Variants in AOPEP observed in about 807,000 individuals in gnomAD.
The protein encoded by AOPEP is aminopeptidase O.
Under a neutral mutation model 98.1 loss-of-function variants are expected in AOPEP, and 77 were observed. The observed-to-expected ratio is 0.78, with a 90% CI of 0.65 to 0.95. The LOEUF is 0.95. Ranked by LOEUF, AOPEP falls within the 40% of genes least tolerant of loss-of-function variation. The probability of loss-of-function intolerance (pLI) is 0.00; values close to 1 mark genes in which losing one functional copy is unlikely to be tolerated. For synonymous variants in AOPEP, 346 were observed against 365.3 expected, an observed-to-expected ratio of 0.95 and a Z score of 0.60; for missense variants, 1,024 against 1,024.7, an observed-to-expected ratio of 1.00 and a Z score of 0.01.
the AOPEP span, chr9:95,149,959 G>A: frequency 2.5e-6 from 4 of 1,611,328 alleles, no homozygotes; most frequent in Non-Finnish European, 2.5e-6. Flanking sequence ...AAAGAACTCT[G>A]GCTGGAGGAT....
chr9:95,066,509 AT>A (rs1285902398), intron 14 of AOPEP, among the ~76,000 whole-genome samples: 1 of 152,220 alleles, frequency 6.6e-6, no homozygotes, highest in Non-Finnish European at 1.5e-5. Flanking sequence ...CTTAGCATTT[AT>A]CTGTTTAAAG....
At chr9:94,779,991 A>G (rs1283984288) in intron 3 of AOPEP, among the ~76,000 whole-genome samples, 2 of 152,222 alleles carry the variant, frequency 1.3e-5, no homozygotes, top group East Asian at 3.8e-4. Context: ...ATACACTAAT[A>G]CAGATGGGAA....
At chr9:94,882,853 A>G (rs2047751120) in intron 5 of AOPEP, among the ~76,000 whole-genome samples, 1 of 152,264 alleles carries the variant, frequency 6.6e-6, no homozygotes, top group African/African-American at 2.4e-5. Context: ...AGTTGTCTCC[A>G]GAAAGGTTAA....
chr9:95,138,716 G>A, the AOPEP span, among the ~76,000 whole-genome samples: 2 of 152,236 alleles, frequency 1.3e-5, no homozygotes, highest in Non-Finnish European at 2.9e-5. Context: ...CTGCCAGGTG[G>A]TGGTGGGGAA....
intron 1 of AOPEP, among the ~76,000 whole-genome samples, chr9:94,754,689 T>C: frequency 6.6e-6 from 1 of 152,228 alleles, no homozygotes; most frequent in East Asian, 1.9e-4. Flanking sequence ...GATACTCCAC[T>C]TAACCTGGTC....
At chr9:94,898,047 C>T (rs924222372) in intron 5 of AOPEP, among the ~76,000 whole-genome samples, 2 of 151,524 alleles carry the variant, frequency 1.3e-5, no homozygotes, top group Non-Finnish European at 1.5e-5. Context: ...ACCATGTTGG[C>T]CAGGCTGGTC....
intron 5 of AOPEP, among the ~76,000 whole-genome samples, chr9:94,872,705 A>T (rs954303296): frequency 1.3e-5 from 2 of 152,198 alleles, no homozygotes; most frequent in African/African-American, 4.8e-5. Context: ...CATTACATTT[A>T]TATGGATGGT....
chr9:95,056,974 T>G (rs1202018441), intron 13 of AOPEP, among the ~76,000 whole-genome samples: 2 of 152,228 alleles, frequency 1.3e-5, no homozygotes, highest in Non-Finnish European at 2.9e-5. Context: ...AGATGCATTT[T>G]AAAAATAATG....
chr9:95,108,778 T>C, the AOPEP span, among the ~76,000 whole-genome samples: 1 of 152,196 alleles, frequency 6.6e-6, no homozygotes, highest in Non-Finnish European at 1.5e-5. Flanking sequence ...TTTATATACT[T>C]CTTGTCTTTT....
chr9:95,054,000 C>T (rs1321754549), intron 13 of AOPEP, among the ~76,000 whole-genome samples: 4 of 152,084 alleles, frequency 2.6e-5, no homozygotes, highest in Non-Finnish European at 1.5e-5. Context: ...CAGGTGTGAG[C>T]TACCACTTGT....
Position 94,760,561 on chromosome 9 carries a change from A to G in AOPEP, c.778A>G (p.Thr260Ala), listed in dbSNP as rs747234731. The change falls in exon 2 of 17, where the codon ACC (threonine) becomes GCC (alanine). Residue 260 changes from threonine (T) to alanine (A), a missense_variant. Coordinates refer to ENST00000375315, the MANE Select transcript of AOPEP (RefSeq NM_001193329.3). ...TKPEGRSVTWTSDQSGRPCVY... is the reference protein window; with the variant it reads ...TKPEGRSVTWASDQSGRPCVY... The stretch of plus-strand genomic sequence containing the variant: ...ACCTGAAGGGCGATCGGTTACATGG[A>G]CCTCAGACCAGAGTGGCAGGTAGGT... The G allele has an allele frequency of 1.9e-6, 3 of 1,543,180 alleles. No individual in the cohort carries two copies. The highest frequency in any genetic ancestry group is 2.6e-6 in the Non-Finnish European group (3 of 1,148,738).
At chr9:94,728,239 G>GCGCGCGCGCGCACACA (rs113657409) in intron 1 of AOPEP, among the ~76,000 whole-genome samples, 12 of 146,606 alleles carry the variant, frequency 8.2e-5, no homozygotes, top group Non-Finnish European at 1.1e-4. Flanking sequence ...GTGCGCGCAT[G>GCGCGCGCGCGCACACA]CACACACACA....
the AOPEP span, among the ~76,000 whole-genome samples, chr9:95,120,807 A>G: frequency 2.2e-4 from 34 of 152,186 alleles, no homozygotes; most frequent in African/African-American, 8.2e-4. Flanking sequence ...TGCTGAAATT[A>G]ATGTCATTGT....
At chr9:95,083,232 G>A (rs2134262784) in intron 16 of AOPEP, among the ~76,000 whole-genome samples, 1 of 152,188 alleles carries the variant, frequency 6.6e-6, no homozygotes, top group South Asian at 2.1e-4. Flanking sequence ...CGGCTGGCAG[G>A]AGGCTCTCCA....
chr9:94,739,189 A>T (rs1417682180), intron 1 of AOPEP, among the ~76,000 whole-genome samples: 1 of 152,086 alleles, frequency 6.6e-6, no homozygotes, highest in East Asian at 1.9e-4. Context: ...GTATTTCCCA[A>T]GGTTGGCTGC....
At chr9:95,037,470 A>G (rs2064930836) in intron 13 of AOPEP, among the ~76,000 whole-genome samples, 1 of 152,258 alleles carries the variant, frequency 6.6e-6, no homozygotes, top group Admixed American at 6.5e-5. Flanking sequence ...AGCTTATAGT[A>G]TACAAGCACC....
At chr9:94,825,651 G>A (rs1444925009) in intron 5 of AOPEP, among the ~76,000 whole-genome samples, 1 of 152,324 alleles carries the variant, frequency 6.6e-6, no homozygotes, top group African/African-American at 2.4e-5. Context: ...TCTAGAGAAT[G>A]TTGTTTCCTC....
intron 14 of AOPEP, among the ~76,000 whole-genome samples, chr9:95,070,244 T>G (rs1358334644): frequency 6.6e-6 from 1 of 152,224 alleles, no homozygotes; most frequent in Non-Finnish European, 1.5e-5. Context: ...TAAAGTCAAG[T>G]TAAATCTAAT....
intron 12 of AOPEP, 121 bp from the exon 13 acceptor site, chr9:95,005,421 G>A: frequency 1.9e-6 from 2 of 1,048,280 alleles, no homozygotes; most frequent in South Asian, 1.4e-5. Flanking sequence ...GGGCGCGGGT[G>A]GCCTCCCGAG....
Sources: allele counts gnomAD v4.1 joint callset (sites outside exome capture counted in the v4.1 genomes callset), GRCh38; gene constraint gnomAD v4.1.1; transcripts MANE v1.5; gene names NCBI Gene and HGNC (gene_info 2026-07-23, HGNC 2026-07-21).